Variants in SOCS7 observed in about 807,000 individuals in gnomAD.
SOCS7 encodes NAP-4.
SOCS7 carries 18 observed loss-of-function variants against 58.9 expected under a neutral mutation model. The ratio of observed to expected loss-of-function variants is 0.31; its 90% CI spans 0.21 to 0.45. SOCS7 has a LOEUF of 0.45. Among genes scored for constraint, SOCS7 ranks in the 20% least tolerant of loss-of-function variants. The pLI, the probability that SOCS7 is intolerant of heterozygous loss-of-function variation, is 1.00. For synonymous variants in SOCS7, 388 were observed against 364.3 expected, an observed-to-expected ratio of 1.06 and a Z score of -0.74; for missense variants, 667 against 837.3, an observed-to-expected ratio of 0.80 and a Z score of 2.51.
chr17:38,366,278 G>T lies in SOCS7; in HGVS notation c.1253-9G>T. 1 of 1,613,656 alleles carries T rather than the reference G, an allele frequency of 6.2e-7. No individual in the cohort carries two copies. Among genetic ancestry groups the T allele is most frequent in the Admixed American group, 1.7e-5 (1 of 59,934 alleles). Reference sequence around the variant, plus strand: ...GTAAACAAGTGACCACCACTGTCTTGCCCTGCAGATGCATTTCCCCGGATT... The same window carrying T: ...GTAAACAAGTGACCACCACTGTCTTTCCCTGCAGATGCATTTCCCCGGATT... On this transcript the variant is annotated splice_polypyrimidine_tract_variant and intron_variant, in intron 4 of 9. Transcript: ENST00000612932.
In SOCS7 at chr17:38,400,308, G is replaced by A. The variant is rs1405293142; in HGVS notation, c.*826G>A. On this transcript the variant is annotated 3_prime_UTR_variant, in exon 10 of 10. Coordinates refer to ENST00000612932, the MANE Select transcript of SOCS7 (RefSeq NM_014598.4). ...TAACTGTACATGTCACTCTGATCAT[G>A]GTAACAGCATCCCTATTGCTTCTGC... 6.6e-6 allele frequency: 1 copy of A among 152,198 alleles called. No individual in the cohort carries two copies. The highest frequency in any genetic ancestry group is 1.5e-5 in the Non-Finnish European group (1 of 68,048). The allele number at this position is 152,198 out of a possible 1,614,324, so 9.4% of individuals were successfully genotyped here. A position where few individuals can be genotyped will look rare whatever the true frequency, so the allele number is the denominator to read the frequency against.
intron 2 of SOCS7, among the ~76,000 whole-genome samples, 198 bp from the exon 3 acceptor site, chr17:38,364,554 A>G (rs1235502546): frequency 2.0e-5 from 3 of 152,202 alleles, no homozygotes; most frequent in Non-Finnish European, 4.4e-5. Context: ...TTGACCCTTA[A>G]CAGGGCAAAG....
At position 38,358,651 on chromosome 17, in the gene SOCS7, A is replaced by T. The variant is rs1212606414; in HGVS notation, c.981-3060A>T. On this transcript the variant is annotated intron_variant, in intron 1 of 9. Coordinates refer to ENST00000612932, the MANE Select transcript of SOCS7 (RefSeq NM_014598.4). ...TGACTGCCATTAGAATGCTCTCAGG[A>T]TCCTTGAGACAGATACTGCTTTGGG... 2.6e-5 allele frequency among the ~76,000 whole-genome samples: 4 copies of T among 150,950 alleles called. 1 individual carries two copies. The East Asian group carries it at 7.8e-4, about 29-fold the overall frequency.
intron 6 of SOCS7, among the ~76,000 whole-genome samples, chr17:38,376,876 A>G (rs2037938614): frequency 6.6e-6 from 1 of 152,192 alleles, no homozygotes; most frequent in East Asian, 1.9e-4. Flanking sequence ...ATAAGATTAT[A>G]TTACTGTATT....
chr17:38,366,093 A>T, intron 4 of SOCS7, 194 bp from the exon 5 acceptor site: 3 of 1,231,284 alleles, frequency 2.4e-6, no homozygotes, highest in Non-Finnish European at 3.2e-6. Context: ...CATCCTTCAC[A>T]GCTTACACAA....
At chr17:38,373,211 A>C (rs2037890421) in intron 6 of SOCS7, among the ~76,000 whole-genome samples, 1 of 152,182 alleles carries the variant, frequency 6.6e-6, no homozygotes, top group South Asian at 2.1e-4. Context: ...AAGTGAAAAA[A>C]CTAGAGCTGG....
chr17:38,403,421 C>T lies in SOCS7; in HGVS notation c.*3939C>T, dbSNP rs367744908. Reference sequence around the variant, plus strand: ...CCCAGGGCCCCCAGGAAAGCATGGCCTGCTTGAAGCCCTCTGCTCCCTGCA... The same window carrying T: ...CCCAGGGCCCCCAGGAAAGCATGGCTTGCTTGAAGCCCTCTGCTCCCTGCA... On this transcript the variant is annotated 3_prime_UTR_variant, in exon 10 of 10. Transcript: ENST00000612932. The T allele has an allele frequency of 1.3e-5, 2 of 152,284 alleles. No homozygotes were observed. The highest frequency in any genetic ancestry group is 2.9e-5 in the Non-Finnish European group (2 of 68,142). 9.4% of individuals were successfully genotyped at this position (152,284 alleles called of 1,614,324 possible). A position where few individuals can be genotyped will look rare whatever the true frequency, so the allele number is the denominator to read the frequency against.
rs1284546793 is a variant in SOCS7, at chr17:38,352,616, C to G, written c.564C>G (p.Ala188=). ...LLVLEGLESE[A]ESLETNSCSE... ...TCCTGGAGGGCTTGGAATCGGAGGCCGAGAGCCTGGAGACTAACAGCTGCT... is the reference window on the plus strand; with the variant it reads ...TCCTGGAGGGCTTGGAATCGGAGGCGGAGAGCCTGGAGACTAACAGCTGCT... Residue 188 remains alanine (A), a synonymous_variant, in exon 1 of 10, where the codon GCC becomes GCG. Coordinates refer to ENST00000612932, the MANE Select transcript of SOCS7 (RefSeq NM_014598.4). The surrounding 1 kb of genome is among the most constrained non-coding windows in gnomAD (Gnocchi z 5.5). 6.5e-7 allele frequency: 1 copy of G among 1,550,076 alleles called. No homozygotes were observed. Among genetic ancestry groups the G allele is most frequent in the Admixed American group, 2.0e-5 (1 of 51,006 alleles).
At chr17:38,394,512 T>C (rs2038219921) in intron 7 of SOCS7, among the ~76,000 whole-genome samples, 1 of 152,210 alleles carries the variant, frequency 6.6e-6, no homozygotes, top group Non-Finnish European at 1.5e-5. Flanking sequence ...GCCTCTCTGC[T>C]GAACCAGCCT....
intron 7 of SOCS7, among the ~76,000 whole-genome samples, chr17:38,392,659 A>G (rs1567752240): frequency 6.6e-6 from 1 of 152,210 alleles, no homozygotes; most frequent in Non-Finnish European, 1.5e-5. Context: ...GTAGGGCTTC[A>G]AAATACAAGA....
In SOCS7 at chr17:38,355,202, T is replaced by C. The variant is rs587635393; in HGVS notation, c.980+2170T>C. On this transcript the variant is annotated intron_variant, in intron 1 of 9. Transcript: ENST00000612932. ...GTAAACTCCAACATCAGCTAGGAGA[T>C]GACCAAATTTGTCACCTTCATGCTT... 1.5e-3 allele frequency among the ~76,000 whole-genome samples: 226 copies of C among 152,328 alleles called. 8 individuals carry two copies. The South Asian group carries it at 0.046, about 31-fold the overall frequency.
At chr17:38,356,551 G>GCA (rs2037640824) in intron 1 of SOCS7, among the ~76,000 whole-genome samples, 1 of 151,964 alleles carries the variant, frequency 6.6e-6, no homozygotes, top group East Asian at 2.0e-4. Context: ...TTTTAGTAGA[G>GCA]ACGGCGTTTC....
At position 38,405,527 on chromosome 17, in the gene SOCS7, C is replaced by A. The variant is rs1273697940; in HGVS notation, c.*6045C>A. The A allele has an allele frequency of 6.6e-6, 1 of 152,128 alleles. No individual in the cohort carries two copies. Among genetic ancestry groups the A allele is most frequent in the East Asian group, 1.9e-4 (1 of 5,192 alleles). The allele number at this position is 152,128 out of a possible 1,614,324, so 9.4% of individuals were successfully genotyped here. ...TGTTTGTATCTCCTTTTTATGATTG[C>A]TGTACCTACCCATGTCTTTTTGGGG... On this transcript the variant is annotated 3_prime_UTR_variant, in exon 10 of 10. Transcript: ENST00000612932.
chr17:38,387,102 A>AAATAT (rs1244894607), intron 7 of SOCS7, among the ~76,000 whole-genome samples: 9 of 51,136 alleles, frequency 1.8e-4, no homozygotes, highest in Admixed American at 6.5e-4. Context: ...AAAAAAAAAA[A>AAATAT]ATATATATAT....
chr17:38,365,432 A>G (rs767568846), intron 4 of SOCS7, 23 bp downstream of exon 4: 1 of 1,522,250 alleles, frequency 6.6e-7, no homozygotes, highest in Admixed American at 1.8e-5. Context: ...TAGAGGCAAG[A>G]CTTGTAAGAG....
At chr17:38,363,877 T>C (rs148941915) in intron 2 of SOCS7, among the ~76,000 whole-genome samples, 241 of 152,338 alleles carry the variant, frequency 1.6e-3, no homozygotes, top group African/African-American at 5.6e-3. Flanking sequence ...GAGTTCTGAC[T>C]TGTGCATCAG....
At chr17:38,364,197 T>A (rs1294896861) in intron 2 of SOCS7, among the ~76,000 whole-genome samples, 1 of 152,248 alleles carries the variant, frequency 6.6e-6, no homozygotes, top group Non-Finnish European at 1.5e-5. Flanking sequence ...AGAACAGATA[T>A]CTTATTCAGG....
At chr17:38,377,992 T>C in intron 7 of SOCS7, 150 bp downstream of exon 7, 1 of 682,732 alleles carries the variant, frequency 1.5e-6, no homozygotes, top group Non-Finnish European at 2.5e-6. Context: ...CCATGGTTAA[T>C]CCCCTGCCTT....
At chr17:38,364,468 C>A (rs587772066) in intron 2 of SOCS7, among the ~76,000 whole-genome samples, 1 of 152,118 alleles carries the variant, frequency 6.6e-6, no homozygotes, top group Non-Finnish European at 1.5e-5. Context: ...TTTGAGGGTA[C>A]GTTGTAAGTC....
Sources: gnomAD v4.1 joint callset for allele counts (sites outside exome capture counted in the v4.1 genomes callset) on GRCh38, gnomAD v4.1.1 for gene constraint, Gnocchi (gnomAD v3.1) non-coding constraint, MANE v1.5 for transcripts, NCBI Gene and HGNC (gene_info 2026-07-23, HGNC 2026-07-21) for gene names.